Variants in ST3GAL5 observed in about 807,000 individuals in gnomAD.
ST3GAL5 encodes lactosylceramide alpha-2,3-sialyltransferase.
In ST3GAL5, 25 loss-of-function variants were observed where a neutral mutation model predicts 46.1. That is an observed-to-expected ratio of 0.54 (90% CI 0.40 to 0.76). ST3GAL5 has a LOEUF of 0.76. Ranked by LOEUF, ST3GAL5 falls within the 30% of genes least tolerant of loss-of-function variation. ST3GAL5 has a pLI of 0.00. For synonymous variants in ST3GAL5, 182 were observed against 192.7 expected, an observed-to-expected ratio of 0.94 and a Z score of 0.46; for missense variants, 431 against 521.2, an observed-to-expected ratio of 0.83 and a Z score of 1.69.
chr2:85,837,529 C>A lies in ST3GAL5; in HGVS notation c.*2615G>T, dbSNP rs1446360688. 1.3e-5 allele frequency: 2 copies of A among 152,066 alleles called. No homozygotes were observed. Among genetic ancestry groups the A allele is most frequent in the Non-Finnish European group, 2.9e-5 (2 of 68,006 alleles). 9.4% of individuals were successfully genotyped at this position (152,066 alleles called of 1,614,324 possible). Reference sequence around the variant, plus strand: ...TAGTGTTTGATAGGTCAGTAGAATGCCTATAGTTTACAATAATTTACTGTG... The same window carrying A: ...TAGTGTTTGATAGGTCAGTAGAATGACTATAGTTTACAATAATTTACTGTG... On this transcript the variant is annotated 3_prime_UTR_variant, in exon 7 of 7. Coordinates refer to ENST00000638572, the MANE Select transcript of ST3GAL5 (RefSeq NM_003896.4).
chr2:85,871,558 G>A (rs914932826), intron 1 of ST3GAL5, among the ~76,000 whole-genome samples: 3 of 152,156 alleles, frequency 2.0e-5, no homozygotes, highest in East Asian at 1.9e-4. Flanking sequence ...ATAATTACTG[G>A]TGCATGAGTA....
Position 85,839,838 on chromosome 2 carries a change from T to A in ST3GAL5, c.*306A>T. The A allele has an allele frequency of 2.5e-6, 1 of 398,582 alleles. No individual in the cohort carries two copies. Among genetic ancestry groups the A allele is most frequent in the South Asian group, 2.2e-5 (1 of 45,326 alleles). 24.7% of individuals were successfully genotyped at this position (398,582 alleles called of 1,614,324 possible). ...AATGTGCAGTGTAAACGAGCAGAAG[T>A]TTTACAAATTAAATTACTTTCTTAA... On this transcript the variant is annotated 3_prime_UTR_variant, in exon 7 of 7. Transcript: ENST00000638572.
At position 85,840,140 on chromosome 2, in the gene ST3GAL5, G is replaced by A. The variant is rs373868344; in HGVS notation, c.*4C>T. 1.1e-5 allele frequency: 17 copies of A among 1,614,062 alleles called. No individual in the cohort carries two copies. The highest frequency in any genetic ancestry group is 1.4e-5 in the Non-Finnish European group (16 of 1,180,042). ...GTTGCATTTTCAACTGAGGTTTTCT[G>A]TGTTCAAAATTCACGATCAATGCCT... On this transcript the variant is annotated 3_prime_UTR_variant, in exon 7 of 7. Transcript: ENST00000638572.
At chr2:85,844,124 C>A (rs1006837707) in intron 6 of ST3GAL5, among the ~76,000 whole-genome samples, 1 of 152,012 alleles carries the variant, frequency 6.6e-6, no homozygotes, top group Admixed American at 6.6e-5. Context: ...TATATGGAGT[C>A]CTGGAGTAAG....
In ST3GAL5 at chr2:85,888,875, G is replaced by A; in HGVS notation, c.31C>T (p.Arg11Trp). 1.5e-6 allele frequency: 2 copies of A among 1,368,786 alleles called. No homozygotes were observed. Among genetic ancestry groups the A allele is most frequent in the Non-Finnish European group, 1.9e-6 (2 of 1,053,732 alleles). The allele number at this position is 1,368,786 out of a possible 1,614,324, so 84.8% of individuals were successfully genotyped here. A position where few individuals can be genotyped will look rare whatever the true frequency, so the allele number is the denominator to read the frequency against. The change falls in exon 1 of 7, where the codon CGG becomes TGG. Residue 11 changes from arginine (R) to tryptophan (W), a missense_variant. Arg to Trp is a moderately radical substitution (Grantham distance 101). Transcript: ENST00000638572. MRTKAAGCAERRPLQPRTEAA... is the reference protein window; with the variant it reads MRTKAAGCAEWRPLQPRTEAA... ...TCGGTCCGCGGCTGCAGGGGACGCC[G>A]CTCCGCGCAGCCCGCCGCCTTCGTC...
chr2:85,872,208 A>G (rs997485061), intron 1 of ST3GAL5, among the ~76,000 whole-genome samples: 3 of 152,178 alleles, frequency 2.0e-5, no homozygotes, highest in Non-Finnish European at 4.4e-5. Flanking sequence ...CAAAAGCAAG[A>G]GTGGTGATGA....
At chr2:85,852,891 G>A (rs894104177) in intron 3 of ST3GAL5, 10 of 1,303,762 alleles carry the variant, frequency 7.7e-6, no homozygotes, top group African/African-American at 3.1e-5. Context: ...CCTGGAAAGC[G>A]GGGAGCAGCA....
Position 85,846,573 on chromosome 2 carries a change from TA to T in ST3GAL5, c.663-11del. On this transcript the variant is annotated splice_polypyrimidine_tract_variant and intron_variant, in intron 4 of 6. Transcript: ENST00000638572. ...TGGTGCACTGTTTAACCTATTTAAA[TA>T]AAAAGGACAAAGACACACTGACAAA... 2.5e-6 allele frequency: 4 copies of T among 1,613,856 alleles called. No homozygotes were observed. Among genetic ancestry groups the T allele is most frequent in the Non-Finnish European group, 3.4e-6 (4 of 1,179,914 alleles).
At chr2:85,852,866 G>A (rs1204247898) in intron 3 of ST3GAL5, 3 of 1,303,772 alleles carry the variant, frequency 2.3e-6, no homozygotes, top group African/African-American at 1.5e-5. Context: ...TTACCTCTAA[G>A]ATATCCCAGG....
intron 5 of ST3GAL5, 160 bp from the exon 6 acceptor site, chr2:85,844,714 G>A (rs913922947): frequency 8.5e-6 from 8 of 938,962 alleles, no homozygotes; most frequent in South Asian, 2.9e-5. Context: ...ACGCAAATCC[G>A]GCACTCCAAC....
At chr2:85,846,678 G>A in intron 4 of ST3GAL5, 115 bp from the exon 5 acceptor site, 1 of 994,890 alleles carries the variant, frequency 1.0e-6, no homozygotes, top group Non-Finnish European at 1.5e-6. Flanking sequence ...AAGAATGAGT[G>A]CATGGTTTGC....
intron 1 of ST3GAL5, chr2:85,870,057 A>G: frequency 2.6e-6 from 1 of 380,798 alleles, no homozygotes; most frequent in South Asian, 2.0e-5. Flanking sequence ...AAAACTACAG[A>G]CATGCCCTAC....
chr2:85,883,325 T>C lies in ST3GAL5; in HGVS notation c.82+5499A>G, dbSNP rs1469104937. Among the ~76,000 whole-genome samples the C allele has an allele frequency of 2.0e-5, 3 of 152,220 alleles. No homozygotes were observed. The East Asian group carries it at 5.8e-4, about 29-fold the overall frequency. ...TGGGTTTATCAGGGGTTTCTGCTTT[T>C]GCTTCTTCTTCCTTCTCTCTTGCCT... is the stretch of plus-strand genomic sequence containing the variant. On this transcript the variant is annotated intron_variant, in intron 1 of 6. Coordinates refer to ENST00000638572, the MANE Select transcript of ST3GAL5 (RefSeq NM_003896.4).
intron 1 of ST3GAL5, chr2:85,869,946 G>A (rs757219970): frequency 4.1e-5 from 13 of 316,236 alleles, no homozygotes; most frequent in Non-Finnish European, 7.7e-5. Context: ...AATGGTGAGC[G>A]CGCACACACA....
Position 85,840,003 on chromosome 2 carries a change from A to AT in ST3GAL5, c.*140dup, listed in dbSNP as rs550737011. 38 of 1,341,514 alleles carry AT rather than the reference A, an allele frequency of 2.8e-5. No homozygotes were observed. The highest frequency in any genetic ancestry group is 2.3e-4 in the Middle Eastern group (1 of 4,364). 83.1% of individuals were successfully genotyped at this position (1,341,514 alleles called of 1,614,324 possible). A position where few individuals can be genotyped will look rare whatever the true frequency, so the allele number is the denominator to read the frequency against. On this transcript the variant is annotated 3_prime_UTR_variant, in exon 7 of 7. Transcript: ENST00000638572. ...GAAAAAAAAAGTGGGAAGAGCTAAA[A>AT]TTTTTTTTGTGTTTTTAAATTAAAA...
In ST3GAL5 at chr2:85,888,956, C is replaced by T; in HGVS notation, c.-51G>A. Reference sequence around the variant, plus strand: ...GCCAGCCCGGTACCCCGCGCCCCCACCCGCCCCCAGCGCCGCTCTCGCGCC... The same window carrying T: ...GCCAGCCCGGTACCCCGCGCCCCCATCCGCCCCCAGCGCCGCTCTCGCGCC... On this transcript the variant is annotated 5_prime_UTR_variant, in exon 1 of 7. In the 5' UTR this introduces an upstream ATG that the reference lacks. Transcript: ENST00000638572. 2 of 1,249,300 alleles carry T rather than the reference C, an allele frequency of 1.6e-6. No individual in the cohort carries two copies. Among genetic ancestry groups the T allele is most frequent in the Non-Finnish European group, 1.0e-6 (1 of 991,692 alleles). 77.4% of individuals were successfully genotyped at this position (1,249,300 alleles called of 1,614,324 possible).
chr2:85,857,028 C>T (rs993532085), intron 3 of ST3GAL5, among the ~76,000 whole-genome samples: 8 of 126,908 alleles, frequency 6.3e-5, no homozygotes, highest in Admixed American at 1.9e-4. Flanking sequence ...CAGGAGTTTG[C>T]GACTAGCCTG....
intron 1 of ST3GAL5, among the ~76,000 whole-genome samples, chr2:85,878,555 G>C (rs1347427346): frequency 9.7e-6 from 1 of 102,866 alleles, no homozygotes; most frequent in Non-Finnish European, 2.0e-5. Context: ...GACAGTATTG[G>C]GACAAAAGTC....
chr2:85,866,741 A>C (rs903070602), intron 1 of ST3GAL5, among the ~76,000 whole-genome samples: 2 of 152,144 alleles, frequency 1.3e-5, no homozygotes, highest in African/African-American at 4.8e-5. Flanking sequence ...AATGAACTGA[A>C]TTTTCTTTTG....
Sources: allele counts gnomAD v4.1 joint callset (sites outside exome capture counted in the v4.1 genomes callset), GRCh38; gene constraint gnomAD v4.1.1; transcripts MANE v1.5; gene names NCBI Gene and HGNC (gene_info 2026-07-23, HGNC 2026-07-21).